The following OPCML variants were observed in gnomAD, a reference collection of about 807,000 sequenced individuals.
OPCML encodes the protein opioid-binding protein/cell adhesion molecule.
Under a neutral mutation model 37.8 loss-of-function variants are expected in OPCML, and 13 were observed. The observed-to-expected ratio is 0.34, with a 90% confidence interval of 0.22 to 0.55. The LOEUF (loss-of-function observed/expected upper bound fraction) is 0.55. Ranked by LOEUF, OPCML falls within the 20% of genes least tolerant of loss-of-function variation. OPCML has a pLI of 0.91. For synonymous variants in OPCML, 176 were observed against 168.8 expected, an observed-to-expected ratio of 1.04 and a Z score of -0.33; for missense variants, 341 against 435.6, an observed-to-expected ratio of 0.78 and a Z score of 1.93.
At chr11:133,504,941 G>A (rs979690464) in intron 1 of OPCML, among the ~76,000 whole-genome samples, 17 of 152,204 alleles carry the variant, frequency 1.1e-4, no homozygotes, top group African/African-American at 4.1e-4. Context: ...ATGGCCAACA[G>A]GGACTTTACA....
At chr11:133,472,352 A>G (rs1384092526) in intron 1 of OPCML, among the ~76,000 whole-genome samples, 6 of 152,136 alleles carry the variant, frequency 3.9e-5, no homozygotes, top group African/African-American at 4.8e-5. Flanking sequence ...TCTTGGAGGA[A>G]GCAGTGCTGC....
chr11:132,922,965 T>C (rs1944858158), intron 2 of OPCML, among the ~76,000 whole-genome samples: 1 of 151,782 alleles, frequency 6.6e-6, no homozygotes, highest in South Asian at 2.1e-4. Flanking sequence ...TGCCAGCTCC[T>C]CCAAAGGCTG....
chr11:133,359,394 G>T (rs1391718128), intron 1 of OPCML, among the ~76,000 whole-genome samples: 1 of 152,116 alleles, frequency 6.6e-6, no homozygotes, highest in Admixed American at 6.5e-5. Flanking sequence ...TGTTGTCTTG[G>T]AAGTGAAAAA....
intron 2 of OPCML, chr11:132,817,284 G>C (rs1939689235): frequency 6.6e-6 from 1 of 152,130 alleles, no homozygotes; most frequent in African/African-American, 2.4e-5. Flanking sequence ...TTTTGAAGAT[G>C]ATACACTCTG....
At chr11:132,968,467 C>G (rs1946264118) in intron 1 of OPCML, among the ~76,000 whole-genome samples, 2 of 152,140 alleles carry the variant, frequency 1.3e-5, no homozygotes, top group South Asian at 4.1e-4. Context: ...TTGAAATTCT[C>G]AGCTTCAAAT....
intron 1 of OPCML, among the ~76,000 whole-genome samples, chr11:133,154,224 A>C (rs1245601865): frequency 6.6e-6 from 1 of 152,076 alleles, no homozygotes; most frequent in Non-Finnish European, 1.5e-5. Flanking sequence ...CTGATTAAAA[A>C]AAAAAAAAAA....
chr11:133,236,481 T>TA (rs1940522430), intron 1 of OPCML, among the ~76,000 whole-genome samples: 1 of 146,042 alleles, frequency 6.8e-6, no homozygotes. Flanking sequence ...ATTGTGGGTG[T>TA]AAAAAGTAAA....
intron 1 of OPCML, among the ~76,000 whole-genome samples, chr11:133,286,996 G>A (rs2136525906): frequency 6.6e-6 from 1 of 152,272 alleles, no homozygotes; most frequent in African/African-American, 2.4e-5. Context: ...CTGCCTGGGA[G>A]GAGATGGGTG....
In OPCML at chr11:133,083,203, C is replaced by T. The variant is rs182629765; in HGVS notation, c.62-140193G>A. 3.6e-3 allele frequency among the ~76,000 whole-genome samples: 550 copies of T among 152,336 alleles called. 4 individuals are homozygous for T. The highest frequency in any genetic ancestry group is 0.013 in the African/African-American group (526 of 41,600). The stretch of plus-strand genomic sequence containing the variant: ...GCCGCACAGTCACTGGGGCGCCGCT[C>T]GCTTTGCTGCCTTTCCCGCGGGTGC... On this transcript the variant is annotated intron_variant, in intron 1 of 7. Transcript: ENST00000524381.
intron 1 of OPCML, among the ~76,000 whole-genome samples, chr11:133,157,188 G>A (rs1592057909): frequency 6.6e-6 from 1 of 152,154 alleles, no homozygotes; most frequent in Non-Finnish European, 1.5e-5. Flanking sequence ...AAAAGTCGGC[G>A]CGCACACGGT....
At chr11:133,178,722 C>T (rs1352946069) in intron 1 of OPCML, among the ~76,000 whole-genome samples, 1 of 152,072 alleles carries the variant, frequency 6.6e-6, no homozygotes, top group Non-Finnish European at 1.5e-5. Flanking sequence ...AGAGAAGGAC[C>T]AAGTGAGAAG....
intron 1 of OPCML, among the ~76,000 whole-genome samples, chr11:133,137,774 T>C (rs1949713128): frequency 6.6e-6 from 1 of 152,184 alleles, no homozygotes; most frequent in Admixed American, 6.5e-5. Flanking sequence ...CCTTTCCATT[T>C]AGGGAGAAGT....
chr11:133,462,713 T>C lies in OPCML; in HGVS notation c.61+69551A>G, dbSNP rs184346411. Among the ~76,000 whole-genome samples the C allele has an allele frequency of 2.8e-3, 429 of 152,136 alleles. 3 individuals are homozygous for C. The highest frequency in any genetic ancestry group is 9.9e-3 in the African/African-American group (413 of 41,536). ...TGGGGAGAATGTAGAAAAATTGAAA[T>C]CCTCGTAGCATTGCTGGTAAAAATG... is the stretch of plus-strand genomic sequence containing the variant. On this transcript the variant is annotated intron_variant, in intron 1 of 7. Transcript: ENST00000524381.
At chr11:132,483,304 C>T (rs1400203408) in intron 4 of OPCML, among the ~76,000 whole-genome samples, 1 of 151,172 alleles carries the variant, frequency 6.6e-6, no homozygotes, top group Non-Finnish European at 1.5e-5. Flanking sequence ...CATGAGTGAA[C>T]TCCCATTCAC....
intron 1 of OPCML, among the ~76,000 whole-genome samples, chr11:133,316,257 C>T (rs981496104): frequency 2.0e-5 from 3 of 151,984 alleles, no homozygotes; most frequent in Non-Finnish European, 4.4e-5. Context: ...GAGGTAAAGT[C>T]GGAGAAGCAA....
chr11:133,283,582 C>T (rs1942219958), intron 1 of OPCML, among the ~76,000 whole-genome samples: 1 of 152,194 alleles, frequency 6.6e-6, no homozygotes, highest in Non-Finnish European at 1.5e-5. Flanking sequence ...TTTGTTTACA[C>T]TGACACAAAA....
intron 1 of OPCML, among the ~76,000 whole-genome samples, chr11:132,951,030 C>A (rs1260837165): frequency 6.6e-6 from 1 of 152,134 alleles, no homozygotes; most frequent in Non-Finnish European, 1.5e-5. Flanking sequence ...TGCCTGCGCT[C>A]TAGAGTGCAG....
chr11:132,962,439 T>C (rs12276491), intron 1 of OPCML, among the ~76,000 whole-genome samples: 11,766 of 152,318 alleles, frequency 0.077, 566 homozygotes, highest in South Asian at 0.094. Flanking sequence ...TAATTTTGCC[T>C]GTGCATCATC....
At chr11:132,483,445 T>G (rs2096187997) in intron 4 of OPCML, among the ~76,000 whole-genome samples, 1 of 152,172 alleles carries the variant, frequency 6.6e-6, no homozygotes, top group Non-Finnish European at 1.5e-5. Context: ...GAACATTCCA[T>G]GCTCGTGGGT....
Sources: gnomAD v4.1 joint callset for allele counts (sites outside exome capture counted in the v4.1 genomes callset) on GRCh38, gnomAD v4.1.1 for gene constraint, MANE v1.5 for transcripts, NCBI Gene and HGNC (gene_info 2026-07-23, HGNC 2026-07-21) for gene names.